Variants in MNX1 observed in about 807,000 individuals in gnomAD.
MNX1 encodes the protein motor neuron and pancreas homeobox 1.
MNX1 carries 2 observed loss-of-function variants against 17.3 expected under a neutral mutation model. That is an observed-to-expected ratio of 0.12 (90% CI 0.05 to 0.36). The LOEUF is 0.36. Among genes scored for constraint, MNX1 ranks in the 10% least tolerant of loss-of-function variants. The pLI, the probability that MNX1 is intolerant of heterozygous loss-of-function variation, is 1.00. For missense variants in MNX1, 556 were observed against 564.7 expected, an observed-to-expected ratio of 0.98 and a Z score of 0.16; for synonymous variants, 306 against 283.1, an observed-to-expected ratio of 1.08 and a Z score of -0.81.
Position 157,006,848 on chromosome 7 carries a change from G to A in MNX1, c.692-209C>T, listed in dbSNP as rs961350755. The A allele has an allele frequency of 3.9e-5, 14 of 362,186 alleles. No homozygotes were observed. The South Asian group carries it at 6.2e-4, about 16-fold the overall frequency. 22.4% of individuals were successfully genotyped at this position (362,186 alleles called of 1,614,324 possible). A position where few individuals can be genotyped will look rare whatever the true frequency, so the allele number is the denominator to read the frequency against. On this transcript the variant is annotated intron_variant, in intron 1 of 2. Coordinates refer to ENST00000252971, the MANE Select transcript of MNX1 (RefSeq NM_005515.4). The surrounding 1 kb of genome is among the most constrained non-coding windows in gnomAD (Gnocchi z 6.3). ...GAAATGGATAGTTTGGAGTTAATGA[G>A]ACCAATTTTTTTTTTTTTTTTTGTC...
intron 1 of MNX1, chr7:157,008,329 T>A (rs3793333): frequency 6.6e-6 from 1 of 152,154 alleles, no homozygotes; most frequent in South Asian, 2.1e-4. Context: ...GTCGGCACCC[T>A]GGGTTTAAGC....
Position 157,010,302 on chromosome 7 carries a change from G to T in MNX1, c.49C>A (p.Pro17Thr). The change falls in exon 1 of 3, where the codon CCC becomes ACC. Residue 17 changes from proline to threonine, a missense_variant. Coordinates refer to ENST00000252971, the MANE Select transcript of MNX1 (RefSeq NM_005515.4). ...FRIDALLAVD[P>T]PRAASAQSAP... ...CTCTGCGCAGAGGCGGCTCGTGGGG[G>T]GTCCACCGCCAGCAGGGCGTCGATG... The T allele has an allele frequency of 1.3e-6, 2 of 1,576,700 alleles. No homozygotes were observed. Among genetic ancestry groups the T allele is most frequent in the Non-Finnish European group, 1.7e-6 (2 of 1,162,812 alleles).
chr7:157,009,546 G>A, intron 1 of MNX1, 114 bp downstream of exon 1: 1 of 1,501,142 alleles, frequency 6.7e-7, no homozygotes, highest in Non-Finnish European at 8.9e-7. Flanking sequence ...AGGCGGCTTC[G>A]CAGCTCTTCC....
Position 157,010,518 on chromosome 7 carries a change from T to G in MNX1, c.-168A>C. 6 of 425,746 alleles carry G rather than the reference T, an allele frequency of 1.4e-5. No individual in the cohort carries two copies. Among genetic ancestry groups the G allele is most frequent in the Non-Finnish European group, 1.7e-5 (4 of 239,770 alleles). 26.4% of individuals were successfully genotyped at this position (425,746 alleles called of 1,614,324 possible). On this transcript the variant is annotated 5_prime_UTR_variant, in exon 1 of 3. Coordinates refer to ENST00000252971, the MANE Select transcript of MNX1 (RefSeq NM_005515.4). ...GAAACTCAGCCGAGGGTGACCATGG[T>G]CCCGGCGCCTCCTCCGTGCGGGCCC...
rs1805575109 is a variant in MNX1 at position 157,005,514 on chromosome 7, G to A, written c.*6C>T. On this transcript the variant is annotated 3_prime_UTR_variant, in exon 3 of 3. Transcript: ENST00000252971. ...TGCGCGCCGCACCTGCTGGGCCGCGGGGCTCCTACTGGGGCGCGGGCTGGT... is the reference window on the plus strand; with the variant it reads ...TGCGCGCCGCACCTGCTGGGCCGCGAGGCTCCTACTGGGGCGCGGGCTGGT... The A allele has an allele frequency of 2.1e-6, 3 of 1,451,940 alleles. No individual in the cohort carries two copies. The highest frequency in any genetic ancestry group is 2.7e-6 in the Non-Finnish European group (3 of 1,108,604). 89.9% of individuals were successfully genotyped at this position (1,451,940 alleles called of 1,614,324 possible). A position where few individuals can be genotyped will look rare whatever the true frequency, so the allele number is the denominator to read the frequency against.
At chr7:157,009,226 T>C in intron 1 of MNX1, 1 of 1,436,124 alleles carries the variant, frequency 7.0e-7, no homozygotes, top group African/African-American at 1.4e-5. Context: ...TCCCTCTCCC[T>C]GGAGGGGCCG....
chr7:157,006,539 C>T lies in MNX1; in HGVS notation c.792G>A (p.Lys264=), dbSNP rs779948429. 2.5e-6 allele frequency: 4 copies of T among 1,610,578 alleles called. No individual in the cohort carries two copies. Among genetic ancestry groups the T allele is most frequent in the Admixed American group, 3.3e-5 (2 of 59,722 alleles). The change falls in exon 2 of 3, where the codon AAG becomes AAA. Residue 264 remains lysine (K), a synonymous_variant. Coordinates refer to ENST00000252971, the MANE Select transcript of MNX1 (RefSeq NM_005515.4). The surrounding 1 kb of genome is among the most constrained non-coding windows in gnomAD (Gnocchi z 6.3). ...CGAAGCGCTTGGGCCGCGACAGGTA[C>T]TTGTTGAGCTTGAACTGGTGCTCCA... The part of the protein sequence containing the change: ...LELEHQFKLN[K]YLSRPKRFEV...
chr7:157,008,972 C>A, intron 1 of MNX1: 4 of 1,536,452 alleles, frequency 2.6e-6, no homozygotes, highest in Non-Finnish European at 3.5e-6. Context: ...GCTCCCTCGG[C>A]CCCACCTTGG....
rs1805696712 is a variant in MNX1 at position 157,010,533 on chromosome 7, C to T, written c.-183G>A. 4.9e-6 allele frequency: 2 copies of T among 408,050 alleles called. No individual in the cohort carries two copies. The highest frequency in any genetic ancestry group is 9.3e-5 in the Admixed American group (2 of 21,538). The allele number at this position is 408,050 out of a possible 1,614,324, so 25.3% of individuals were successfully genotyped here. A position where few individuals can be genotyped will look rare whatever the true frequency, so the allele number is the denominator to read the frequency against. Reference sequence around the variant, plus strand: ...GTGACCATGGTCCCGGCGCCTCCTCCGTGCGGGCCCCGCCCCGGGCCGCGC... The same window carrying T: ...GTGACCATGGTCCCGGCGCCTCCTCTGTGCGGGCCCCGCCCCGGGCCGCGC... On this transcript the variant is annotated 5_prime_UTR_variant, in exon 1 of 3. Transcript: ENST00000252971.
In MNX1 at chr7:157,009,646, C is replaced by A. The variant is rs1285815355; in HGVS notation, c.691+14G>T. On this transcript the variant is annotated intron_variant, in intron 1 of 2. Transcript: ENST00000252971. ...TCCCGCCACGCGCATCCACGGGGGC[C>A]GCAGGGTACTCACAGTTGAAGTCGG... 19 of 1,607,844 alleles carry A rather than the reference C, an allele frequency of 1.2e-5. No individual in the cohort carries two copies. The highest frequency in any genetic ancestry group is 1.5e-5 in the Non-Finnish European group (18 of 1,178,604).
chr7:157,005,616 G>A lies in MNX1; in HGVS notation c.1110C>T (p.Tyr370=), dbSNP rs1163109918. Residue 370 remains tyrosine, a synonymous_variant, in exon 3 of 3, where the codon TAC becomes TAT. Transcript: ENST00000252971. ...CGGCGTGGACGCTGGCGCCGTTGCTGTAGGGGAAATGGTCCTCGTCGTCCT... is the reference window on the plus strand; with the variant it reads ...CGGCGTGGACGCTGGCGCCGTTGCTATAGGGGAAATGGTCCTCGTCGTCCT... ...EDEDDEDHFP[Y]SNGASVHAAS... is the part of the protein sequence containing the mutation. 1.2e-6 allele frequency: 2 copies of A among 1,608,110 alleles called. No individual in the cohort carries two copies. The highest frequency in any genetic ancestry group is 8.5e-7 in the Non-Finnish European group (1 of 1,178,332).
chr7:157,010,262 A>G lies in MNX1; in HGVS notation c.89T>C (p.Leu30Ser), dbSNP rs753593745. Residue 30 changes from leucine to serine, a missense_variant, in exon 1 of 3, where the codon TTG (leucine) becomes TCG (serine). Physicochemically the swap from Leu to Ser is moderately radical, Grantham distance 145 (BLOSUM62 -2). Around this residue, in one of 7 missense-constraint regions of MNX1, gnomAD observed 45 missense variants for 42.0 expected, o/e 1.07. Coordinates refer to ENST00000252971, the MANE Select transcript of MNX1 (RefSeq NM_005515.4). ...AASAQSAPLA[L>S]VTSLAAAASG... Reference sequence around the variant, plus strand: ...TGCGGCGGCGGCGAGCGACGTGACCAAGGCCAGCGGCGCGCTCTGCGCAGA... The same window carrying G: ...TGCGGCGGCGGCGAGCGACGTGACCGAGGCCAGCGGCGCGCTCTGCGCAGA... The G allele has an allele frequency of 1.8e-5, 27 of 1,470,964 alleles. No individual in the cohort carries two copies. Among genetic ancestry groups the G allele is most frequent in the Middle Eastern group, 2.1e-4 (1 of 4,776 alleles). 91.1% of individuals were successfully genotyped at this position (1,470,964 alleles called of 1,614,324 possible).
chr7:157,010,374 A>G lies in MNX1; in HGVS notation c.-24T>C. On this transcript the variant is annotated 5_prime_UTR_variant, in exon 1 of 3. Transcript: ENST00000252971. ...ATCGGCTCGTTTGGGGCTGGCGCTCAGGGCCCGGTGGCGGGCGACGCGGCC... is the reference window on the plus strand; with the variant it reads ...ATCGGCTCGTTTGGGGCTGGCGCTCGGGGCCCGGTGGCGGGCGACGCGGCC... 1 of 1,557,430 alleles carries G rather than the reference A, an allele frequency of 6.4e-7. No homozygotes were observed. Among genetic ancestry groups the G allele is most frequent in the Non-Finnish European group, 8.7e-7 (1 of 1,150,744 alleles).
In MNX1 at chr7:157,005,536, T is replaced by A. The variant is rs1282234125; in HGVS notation, c.1190A>T (p.Gln397Leu). The change falls in exon 3 of 3, where the codon CAG becomes CTG. Residue 397 changes from glutamine (Q) to leucine (L), a missense_variant. Physicochemically the swap from Gln to Leu is moderately radical, Grantham distance 113. This residue lies in a region of MNX1 where 178 missense variants were observed against 155.2 expected (regional missense o/e 1.15). Transcript: ENST00000252971. ...DDSPPPRPSH[Q>L]PAPQ ...GCGGGGCTCCTACTGGGGCGCGGGC[T>A]GGTGGCTGGGCCGCGGGGGCGGCGA... The A allele has an allele frequency of 6.6e-7, 1 of 1,526,196 alleles. No homozygotes were observed. The highest frequency in any genetic ancestry group is 8.8e-7 in the Non-Finnish European group (1 of 1,141,684). The allele number at this position is 1,526,196 out of a possible 1,614,324, so 94.5% of individuals were successfully genotyped here.
At chr7:157,005,905 C>A in intron 2 of MNX1, 32 bp from the exon 3 acceptor site, 2 of 1,607,370 alleles carry the variant, frequency 1.2e-6, no homozygotes, top group Non-Finnish European at 1.7e-6. Context: ...AGAAACCGGC[C>A]ACCGCCACCC....
chr7:157,009,276 T>C, intron 1 of MNX1: 1 of 1,419,266 alleles, frequency 7.0e-7, no homozygotes, highest in Admixed American at 2.9e-5. Context: ...CTGGCCCAAG[T>C]TCCTTTCCCC....
rs565181524 is a variant in MNX1, at chr7:157,007,025, G to A, written c.692-386C>T. ...AGGAAGGGAGGTTCCGGGAAGCCCAGGAGTTGAAGGCTGCAGTGAGCGAGA... is the reference window on the plus strand; with the variant it reads ...AGGAAGGGAGGTTCCGGGAAGCCCAAGAGTTGAAGGCTGCAGTGAGCGAGA... On this transcript the variant is annotated intron_variant, in intron 1 of 2. Coordinates refer to ENST00000252971, the MANE Select transcript of MNX1 (RefSeq NM_005515.4). 2.6e-5 allele frequency: 5 copies of A among 191,862 alleles called. No individual in the cohort carries two copies. In the Admixed American group the frequency reaches 2.7e-4, roughly 10 times the overall value. The allele number at this position is 191,862 out of a possible 1,614,324, so 11.9% of individuals were successfully genotyped here.
Position 157,006,853 on chromosome 7 carries a change from ATTTTT to A in MNX1, c.692-219_692-215del, listed in dbSNP as rs373662349. Reference sequence around the variant, plus strand: ...GGATAGTTTGGAGTTAATGAGACCAATTTTTTTTTTTTTTTTTGTCTAGGAGACGT... The same window carrying A: ...GGATAGTTTGGAGTTAATGAGACCAATTTTTTTTTTTTGTCTAGGAGACGT... On this transcript the variant is annotated intron_variant, in intron 1 of 2. Transcript: ENST00000252971. This position sits in a 1 kb window ranked among gnomAD's most constrained non-coding sequence, Gnocchi z 6.3. 1.9e-4 allele frequency: 53 copies of A among 273,744 alleles called. No homozygotes were observed. The highest frequency in any genetic ancestry group is 2.6e-4 in the East Asian group (4 of 15,404). 17.0% of individuals were successfully genotyped at this position (273,744 alleles called of 1,614,324 possible).
In MNX1 at chr7:157,006,700, G is replaced by C. The variant is rs1344623340; in HGVS notation, c.692-61C>G. On this transcript the variant is annotated intron_variant, in intron 1 of 2. Transcript: ENST00000252971. This position sits in a 1 kb window ranked among gnomAD's most constrained non-coding sequence, Gnocchi z 6.3. ...TCCGGTCCTCGCCCCAGCCCCTCCC[G>C]TTGCTGCTTGTACCACTACACTCAA... 6.0e-6 allele frequency: 9 copies of C among 1,499,884 alleles called. No individual in the cohort carries two copies. In the East Asian group the frequency reaches 9.9e-5, roughly 16 times the overall value. 92.9% of individuals were successfully genotyped at this position (1,499,884 alleles called of 1,614,324 possible).
Sources: gnomAD v4.1 joint callset for allele counts on GRCh38, gnomAD v4.1.1 for gene constraint, gnomAD v4.1.1 regional missense constraint, Gnocchi (gnomAD v3.1) non-coding constraint, MANE v1.5 for transcripts, NCBI Gene and HGNC (gene_info 2026-07-23, HGNC 2026-07-21) for gene names.